Variants in TENM2 observed in about 807,000 individuals in gnomAD.
TENM2 encodes the protein teneurin transmembrane protein 2.
TENM2 carries 52 observed loss-of-function variants against 245.2 expected under a neutral mutation model. The observed-to-expected ratio is 0.21, with a 90% CI of 0.17 to 0.27. The LOEUF (loss-of-function observed/expected upper bound fraction) is 0.27, where lower values mean the gene tolerates loss of function less well. Among genes scored for constraint, TENM2 ranks in the 10% least tolerant of loss-of-function variants. The probability of loss-of-function intolerance (pLI) is 1.00; values close to 1 mark genes in which losing one functional copy is unlikely to be tolerated. For missense variants in TENM2, 3,046 were observed against 3,666.8 expected (o/e 0.83, Z 4.37); for synonymous variants, 1,363 against 1,438.9 (o/e 0.95, Z 1.19).
chr5:167,456,876 C>T (rs1765957458), intron 2 of TENM2, among the ~76,000 whole-genome samples: 1 of 152,168 alleles, frequency 6.6e-6, no homozygotes, highest in South Asian at 2.1e-4. Flanking sequence ...TATCCACATT[C>T]ATAAGTCATG....
At chr5:167,067,598 A>G in the TENM2 span, among the ~76,000 whole-genome samples, 1 of 152,200 alleles carries the variant, frequency 6.6e-6, no homozygotes, top group African/African-American at 2.4e-5. Flanking sequence ...AATAAAACAT[A>G]TAAGAAAACC....
At chr5:167,683,837 G>A (rs1756900659) in intron 2 of TENM2, among the ~76,000 whole-genome samples, 1 of 152,158 alleles carries the variant, frequency 6.6e-6, no homozygotes, top group South Asian at 2.1e-4. Flanking sequence ...CCAACACATT[G>A]TACTCTTATT....
chr5:168,101,762 G>A (rs973538950), intron 9 of TENM2, among the ~76,000 whole-genome samples: 3 of 152,270 alleles, frequency 2.0e-5, no homozygotes, highest in East Asian at 1.9e-4. Flanking sequence ...GCTTTTCCCC[G>A]ATTTCTCCAT....
chr5:167,250,340 A>C, the TENM2 span, among the ~76,000 whole-genome samples: 14 of 152,306 alleles, frequency 9.2e-5, no homozygotes, highest in African/African-American at 3.1e-4. Flanking sequence ...CGAAAAAAAC[A>C]GAAAAGCTTT....
chr5:168,234,193 C>T lies in TENM2; in HGVS notation c.5520+6063C>T, dbSNP rs949306897. On this transcript the variant is annotated intron_variant, in intron 25 of 28. Transcript: ENST00000518659. ...AGGCAGACTTAGCCAAAGTTGACTC[C>T]AGGCTTACATCATCACAGCTAAGTG... is the stretch of plus-strand genomic sequence containing the variant. Among the ~76,000 whole-genome samples, 7 of 152,202 alleles carry T rather than the reference C, an allele frequency of 4.6e-5. No individual in the cohort carries two copies. In the South Asian group the frequency reaches 1.0e-3, roughly 23 times the overall value.
chr5:167,473,203 C>T (rs1050057394), intron 2 of TENM2, among the ~76,000 whole-genome samples: 3 of 152,146 alleles, frequency 2.0e-5, no homozygotes, highest in African/African-American at 7.2e-5. Context: ...GTGAGCATAA[C>T]TGCCCTTTAG....
chr5:167,180,103 C>CTTTTTTTTTTTTTTTTTTTTTT, the TENM2 span, among the ~76,000 whole-genome samples: 39 of 114,958 alleles, frequency 3.4e-4, 1 homozygote, highest in African/African-American at 1.6e-3. Flanking sequence ...TAAGTGCTTC[C>CTTTTTTTTTTTTTTTTTTTTTT]TTTTTTTTTT....
chr5:167,777,864 C>T (rs1561770799), intron 2 of TENM2, among the ~76,000 whole-genome samples: 1 of 152,176 alleles, frequency 6.6e-6, no homozygotes, highest in Non-Finnish European at 1.5e-5. Context: ...TAAGTAACAG[C>T]ATGTGTGTGC....
intron 1 of TENM2, among the ~76,000 whole-genome samples, chr5:167,350,013 T>C (rs1758724480): frequency 6.6e-6 from 1 of 152,220 alleles, no homozygotes; most frequent in Non-Finnish European, 1.5e-5. Flanking sequence ...ACATGTGGCA[T>C]ATCAGAATGG....
chr5:167,944,202 C>T (rs1259603085), intron 3 of TENM2, among the ~76,000 whole-genome samples: 1 of 152,190 alleles, frequency 6.6e-6, no homozygotes, highest in Non-Finnish European at 1.5e-5. Context: ...CTATTAAGCT[C>T]TTAACCCAAG....
At chr5:167,446,933 T>G (rs1434623352) in intron 2 of TENM2, among the ~76,000 whole-genome samples, 1 of 152,144 alleles carries the variant, frequency 6.6e-6, no homozygotes, top group African/African-American at 2.4e-5. Flanking sequence ...TTTTAGATTT[T>G]AGAATATTTG....
At chr5:168,094,786 G>A (rs1192131331) in intron 8 of TENM2, among the ~76,000 whole-genome samples, 4 of 152,040 alleles carry the variant, frequency 2.6e-5, no homozygotes, top group African/African-American at 7.2e-5. Context: ...GAACTGGGCC[G>A]CAGAGCAAGA....
intron 2 of TENM2, among the ~76,000 whole-genome samples, chr5:167,588,842 A>T (rs278013): frequency 6.6e-6 from 1 of 151,952 alleles, no homozygotes; most frequent in African/African-American, 2.4e-5. Flanking sequence ...TATGATTGGA[A>T]CCCATTTAAT....
At chr5:167,685,282 A>G (rs754205065) in intron 2 of TENM2, among the ~76,000 whole-genome samples, 1 of 152,210 alleles carries the variant, frequency 6.6e-6, no homozygotes, top group Non-Finnish European at 1.5e-5. Context: ...TTTTATTTTT[A>G]CATGGCACAT....
At chr5:167,817,651 A>G (rs967927844) in intron 2 of TENM2, among the ~76,000 whole-genome samples, 1 of 152,210 alleles carries the variant, frequency 6.6e-6, no homozygotes. Flanking sequence ...ATCTGAAAAA[A>G]AAATATGTTC....
chr5:167,526,201 T>A (rs1272769042), intron 2 of TENM2, among the ~76,000 whole-genome samples: 2 of 152,064 alleles, frequency 1.3e-5, no homozygotes. Flanking sequence ...AAGAGACCTC[T>A]ACTGCAAAAT....
chr5:167,343,227 G>A (rs1561877326), intron 1 of TENM2, among the ~76,000 whole-genome samples: 1 of 152,090 alleles, frequency 6.6e-6, no homozygotes, highest in Non-Finnish European at 1.5e-5. Context: ...TGGAATTACA[G>A]GGTATATCAC....
rs962200827 is a variant in TENM2, at chr5:167,507,955, T to A, written c.502+132482T>A. ...TGGGACTCTGACAGTTAAATAATAG[T>A]TCACAAATGATTAGCGGAATGAGAA... On this transcript the variant is annotated intron_variant, in intron 2 of 28. Coordinates refer to ENST00000518659, the Ensembl canonical transcript of TENM2. Among the ~76,000 whole-genome samples, 10 of 152,074 alleles carry A rather than the reference T, an allele frequency of 6.6e-5. No individual in the cohort carries two copies. In the South Asian group the frequency reaches 1.2e-3, roughly 19 times the overall value.
At chr5:167,590,236 A>G (rs1775787057) in intron 2 of TENM2, among the ~76,000 whole-genome samples, 1 of 152,062 alleles carries the variant, frequency 6.6e-6, no homozygotes, top group Non-Finnish European at 1.5e-5. Context: ...TTGTTTTCAT[A>G]TGAAGATATT....
Sources: gnomAD v4.1 joint callset for allele counts (sites outside exome capture counted in the v4.1 genomes callset) on GRCh38, gnomAD v4.1.1 for gene constraint, MANE v1.5 for transcripts, NCBI Gene and HGNC (gene_info 2026-07-23, HGNC 2026-07-21) for gene names.